The following RANBP3 variants were observed in gnomAD, a reference collection of about 807,000 sequenced individuals.
The protein encoded by RANBP3 is RAN binding protein 3.
Under a neutral mutation model 77.3 loss-of-function variants are expected in RANBP3, and 14 were observed. That is an observed-to-expected ratio of 0.18 (90% confidence interval 0.12 to 0.28). The LOEUF (loss-of-function observed/expected upper bound fraction) is 0.28, where lower values mean the gene tolerates loss of function less well. Among genes scored for constraint, RANBP3 ranks in the 10% least tolerant of loss-of-function variants. The pLI is 1.00. For synonymous variants in RANBP3, 315 were observed against 312.4 expected (o/e 1.01, Z -0.09); for missense variants, 586 against 752.3 (o/e 0.78, Z 2.59).
intron 14 of RANBP3, among the ~76,000 whole-genome samples, chr19:5,919,581 C>G (rs981451597): frequency 6.6e-6 from 1 of 152,094 alleles, no homozygotes; most frequent in African/African-American, 2.4e-5. Context: ...AACATTTCCA[C>G]GAGACAAAAG....
intron 1 of RANBP3, among the ~76,000 whole-genome samples, chr19:5,972,428 C>T (rs1023857052): frequency 6.6e-6 from 1 of 152,140 alleles, no homozygotes; most frequent in East Asian, 1.9e-4. Context: ...TTCTCTACTG[C>T]GTAGGGCAGA....
chr19:5,965,095 G>A (rs1435091338), intron 1 of RANBP3, among the ~76,000 whole-genome samples: 2 of 152,062 alleles, frequency 1.3e-5, no homozygotes, highest in Admixed American at 1.3e-4. Context: ...GACCCTAGAG[G>A]AACTGTTCTC....
intron 1 of RANBP3, chr19:5,974,238 T>G (rs1036660732): frequency 6.6e-6 from 1 of 152,258 alleles, no homozygotes; most frequent in African/African-American, 2.4e-5. Flanking sequence ...GTGAGAGCCC[T>G]GCTTCACACT....
Position 5,957,961 on chromosome 19 carries a change from A to G in RANBP3, c.35T>C (p.Ile12Thr). The part of the protein sequence containing the change: ...ADLANEEKPA[I>T]APPVFVFQKD... The stretch of plus-strand genomic sequence containing the variant: ...CTGAAACACAAAGACGGGCGGAGCA[A>G]TGGCAGGCTTTTCTGCAAAAAGAAA... The change falls in exon 2 of 17, where the codon ATT becomes ACT. Residue 12 changes from isoleucine (I) to threonine (T), a missense_variant. Physicochemically the swap from Ile to Thr is moderately conservative, Grantham distance 89. Coordinates refer to ENST00000340578, the MANE Select transcript of RANBP3 (RefSeq NM_007322.3). 1 of 1,614,204 alleles carries G rather than the reference A, an allele frequency of 6.2e-7. No homozygotes were observed. The highest frequency in any genetic ancestry group is 8.5e-7 in the Non-Finnish European group (1 of 1,180,040).
intron 1 of RANBP3, among the ~76,000 whole-genome samples, chr19:5,964,748 C>T (rs974314449): frequency 2.0e-5 from 3 of 151,564 alleles, no homozygotes; most frequent in African/African-American, 7.3e-5. Flanking sequence ...CAGGGTGGCA[C>T]ATGCAGTGGG....
rs1490623315 is a variant in RANBP3 at position 5,927,962 on chromosome 19, A to C, written c.813+6T>G. On this transcript the variant is annotated splice_donor_region_variant and intron_variant, in intron 9 of 16. Transcript: ENST00000340578. Reference sequence around the variant, plus strand: ...AGTCAATGTGCTGGTTCAACAGCTCACATACCTTAACTCTGTCCCTCAAGT... The same window carrying C: ...AGTCAATGTGCTGGTTCAACAGCTCCCATACCTTAACTCTGTCCCTCAAGT... 1.2e-6 allele frequency: 2 copies of C among 1,604,622 alleles called. No individual in the cohort carries two copies. The highest frequency in any genetic ancestry group is 2.7e-5 in the African/African-American group (2 of 74,178).
intron 1 of RANBP3, among the ~76,000 whole-genome samples, chr19:5,977,475 A>C (rs2058607750): frequency 6.6e-6 from 1 of 151,684 alleles, no homozygotes; most frequent in Non-Finnish European, 1.5e-5. Flanking sequence ...GGGGAGACGA[A>C]GCGCCCCGAA....
chr19:5,928,589 T>C (rs528274534), intron 8 of RANBP3: 10 of 152,602 alleles, frequency 6.6e-5, no homozygotes, highest in African/African-American at 1.7e-4. Flanking sequence ...GTGTGTGGTG[T>C]GTGTGTGTGT....
intron 5 of RANBP3, among the ~76,000 whole-genome samples, chr19:5,934,677 T>C (rs752720662): frequency 6.6e-6 from 1 of 151,872 alleles, no homozygotes; most frequent in Non-Finnish European, 1.5e-5. Context: ...CTACAAAAAA[T>C]TAAAAACTTA....
At position 5,941,757 on chromosome 19, in the gene RANBP3, T is replaced by C. The variant is rs755397514; in HGVS notation, c.319+42A>G. 3 of 1,612,670 alleles carry C rather than the reference T, an allele frequency of 1.9e-6. No homozygotes were observed. The South Asian group carries it at 3.3e-5, about 18-fold the overall frequency. On this transcript the variant is annotated intron_variant, in intron 4 of 16. Coordinates refer to ENST00000340578, the MANE Select transcript of RANBP3 (RefSeq NM_007322.3). Reference sequence around the variant, plus strand: ...GGAGAAAAATCAGGTTGCTTCTGTCTTTAAAACTGAAGATGGTCAAAGGTG... The same window carrying C: ...GGAGAAAAATCAGGTTGCTTCTGTCCTTAAAACTGAAGATGGTCAAAGGTG...
intron 1 of RANBP3, among the ~76,000 whole-genome samples, chr19:5,970,314 C>A (rs938280423): frequency 5.3e-5 from 8 of 152,148 alleles, no homozygotes; most frequent in South Asian, 2.1e-4. Flanking sequence ...GGTGACCCCC[C>A]ACCCTGGCTT....
chr19:5,957,632 C>A (rs1424104756), intron 2 of RANBP3, among the ~76,000 whole-genome samples: 1 of 148,992 alleles, frequency 6.7e-6, no homozygotes, highest in African/African-American at 2.5e-5. Flanking sequence ...TGGCATTTCT[C>A]AAACAAATCA....
At chr19:5,942,548 C>CA (rs1258368261) in intron 3 of RANBP3, among the ~76,000 whole-genome samples, 5 of 151,438 alleles carry the variant, frequency 3.3e-5, no homozygotes, top group African/African-American at 9.7e-5. Flanking sequence ...ACTAAAAATA[C>CA]AAAAAAAAGT....
chr19:5,957,814 G>C (rs1272960863), intron 2 of RANBP3, 104 bp downstream of exon 2: 1 of 1,235,836 alleles, frequency 8.1e-7, no homozygotes, highest in Non-Finnish European at 1.2e-6. Context: ...CTCCCCGTCT[G>C]TGGGCAGAAG....
At chr19:5,944,280 G>A (rs2058176025) in intron 3 of RANBP3, among the ~76,000 whole-genome samples, 2 of 152,224 alleles carry the variant, frequency 1.3e-5, no homozygotes, top group South Asian at 2.1e-4. Flanking sequence ...GCCAGGAGGC[G>A]AGGGACCTGG....
chr19:5,938,813 ACCTT>A (rs1442762365), intron 5 of RANBP3, among the ~76,000 whole-genome samples: 2 of 152,212 alleles, frequency 1.3e-5, no homozygotes, highest in African/African-American at 4.8e-5. Context: ...CACAGGCGTT[ACCTT>A]TGGGATGGCA....
chr19:5,938,487 C>T (rs1331359157), intron 5 of RANBP3, among the ~76,000 whole-genome samples: 3 of 151,828 alleles, frequency 2.0e-5, no homozygotes, highest in South Asian at 2.1e-4. Flanking sequence ...GTCAGGAGTT[C>T]GAGACCAGCC....
chr19:5,967,650 G>A lies in RANBP3; in HGVS notation c.23-9677C>T, dbSNP rs74550339. On this transcript the variant is annotated intron_variant, in intron 1 of 16. Transcript: ENST00000340578. ...CTTCCACTCCTGCGCCACCCAGACC[G>A]TAAGCCCCGGGGGGCAGAACTTGCA... Among the ~76,000 whole-genome samples, 1,429 of 152,122 alleles carry A rather than the reference G, an allele frequency of 9.4e-3. 9 individuals are homozygous for A. The highest frequency in any genetic ancestry group is 0.028 in the South Asian group (135 of 4,802).
intron 10 of RANBP3, 121 bp downstream of exon 10, chr19:5,925,513 G>T: frequency 1.2e-6 from 1 of 847,910 alleles, no homozygotes; most frequent in Non-Finnish European, 1.9e-6. Context: ...AGAGGGGCCT[G>T]AGAGCAACCT....
Sources: allele counts gnomAD v4.1 joint callset (sites outside exome capture counted in the v4.1 genomes callset), GRCh38; gene constraint gnomAD v4.1.1; transcripts MANE v1.5; gene names NCBI Gene and HGNC (gene_info 2026-07-23, HGNC 2026-07-21).